Variants in TMEM117 observed in about 807,000 individuals in gnomAD.
TMEM117 encodes the protein transmembrane protein 117.
A neutral mutation model predicts 52.4 loss-of-function variants in TMEM117; 27 were observed. The ratio of observed to expected loss-of-function variants is 0.51; its 90% confidence interval spans 0.38 to 0.71. TMEM117 has a LOEUF of 0.71. TMEM117 is among the 30% of genes least tolerant of loss of function. The probability of loss-of-function intolerance (pLI) is 0.00; values close to 1 mark genes in which losing one functional copy is unlikely to be tolerated. For synonymous variants in TMEM117, 215 were observed against 206.3 expected, an observed-to-expected ratio of 1.04 and a Z score of -0.36; for missense variants, 556 against 630.5, an observed-to-expected ratio of 0.88 and a Z score of 1.26.
intron 5 of TMEM117, among the ~76,000 whole-genome samples, chr12:44,249,165 T>C (rs1198227068): frequency 6.6e-6 from 1 of 152,044 alleles, no homozygotes; most frequent in Non-Finnish European, 1.5e-5. Flanking sequence ...AGATATTTAA[T>C]GTAGGGAAAG....
chr12:44,076,961 A>G (rs1207216896), intron 3 of TMEM117, among the ~76,000 whole-genome samples: 1 of 152,208 alleles, frequency 6.6e-6, no homozygotes, highest in East Asian at 1.9e-4. Context: ...CCCAGTCTGC[A>G]GAGCCTGCCA....
intron 4 of TMEM117, among the ~76,000 whole-genome samples, chr12:44,208,194 GT>G (rs1380207871): frequency 6.6e-6 from 1 of 152,028 alleles, no homozygotes; most frequent in Non-Finnish European, 1.5e-5. Context: ...CAAAATGCAT[GT>G]TTTTGCTCAG....
chr12:44,387,963 GT>G, intron 7 of TMEM117, 62 bp from the exon 8 acceptor site: 2 of 1,401,608 alleles, frequency 1.4e-6, no homozygotes, highest in South Asian at 2.7e-5. Context: ...TCATTTTATT[GT>G]AGAAAACCTT....
the TMEM117 span, among the ~76,000 whole-genome samples, chr12:43,818,822 G>C: frequency 6.6e-6 from 1 of 152,160 alleles, no homozygotes; most frequent in Non-Finnish European, 1.5e-5. Context: ...TTTTAATGGA[G>C]TCAGAAATAG....
intron 5 of TMEM117, among the ~76,000 whole-genome samples, chr12:44,243,433 C>T (rs1037010137): frequency 2.6e-5 from 4 of 151,688 alleles, no homozygotes; most frequent in Non-Finnish European, 5.9e-5. Context: ...AGATTAAATA[C>T]TAATTTTAAA....
rs1943024556 is a variant in TMEM117, at chr12:43,836,178, G to T, written c.-47G>T. On this transcript the variant is annotated 5_prime_UTR_variant, in exon 1 of 8. Transcript: ENST00000266534. ...CGAATCCCGTGTGCAGTCGCCCCGC[G>T]CCCCGCGCGACCCTTCGGGTGAGTA... 6.6e-6 allele frequency: 1 copy of T among 152,108 alleles called. No individual in the cohort carries two copies. Among genetic ancestry groups the T allele is most frequent in the African/African-American group, 2.4e-5 (1 of 41,434 alleles). 9.4% of individuals were successfully genotyped at this position (152,108 alleles called of 1,614,324 possible).
intron 3 of TMEM117, among the ~76,000 whole-genome samples, chr12:44,097,148 A>G (rs1326198662): frequency 6.6e-6 from 1 of 152,226 alleles, no homozygotes; most frequent in East Asian, 1.9e-4. Flanking sequence ...AGAAATGCAA[A>G]TCAAAACCAT....
chr12:44,114,404 C>T (rs1237456465), intron 3 of TMEM117, among the ~76,000 whole-genome samples: 1 of 152,090 alleles, frequency 6.6e-6, no homozygotes, highest in Admixed American at 6.5e-5. Context: ...GTGCTCACCT[C>T]TGCATTTAGG....
chr12:43,937,744 T>A lies in TMEM117; in HGVS notation c.278-6466T>A, dbSNP rs148090653. ...CATTTATTTGTATAGCCTTTTTTTTTAAAATCCACTGGACAAATAACTTAA... is the reference window on the plus strand; with the variant it reads ...CATTTATTTGTATAGCCTTTTTTTTAAAAATCCACTGGACAAATAACTTAA... On this transcript the variant is annotated intron_variant, in intron 2 of 7. Coordinates refer to ENST00000266534, the MANE Select transcript of TMEM117 (RefSeq NM_032256.3). Among the ~76,000 whole-genome samples the A allele has an allele frequency of 6.9e-3, 1,050 of 152,194 alleles. 12 individuals carry two copies. The highest frequency in any genetic ancestry group is 0.023 in the African/African-American group (972 of 41,496).
At chr12:44,126,418 C>G (rs976287240) in intron 3 of TMEM117, among the ~76,000 whole-genome samples, 1 of 152,184 alleles carries the variant, frequency 6.6e-6, no homozygotes, top group Admixed American at 6.5e-5. Context: ...TGGAATTTCT[C>G]TCCCTCCTTT....
intron 4 of TMEM117, among the ~76,000 whole-genome samples, chr12:44,203,380 CTTGTTT>C (rs1949523152): frequency 6.6e-6 from 1 of 152,184 alleles, no homozygotes; most frequent in South Asian, 2.1e-4. Context: ...CTCTATCAAT[CTTGTTT>C]ACTCTCTTGA....
chr12:43,931,664 C>A (rs1944873126), intron 2 of TMEM117, among the ~76,000 whole-genome samples: 1 of 152,170 alleles, frequency 6.6e-6, no homozygotes, highest in African/African-American at 2.4e-5. Context: ...CTATTTCTAT[C>A]AACTCTCACT....
intron 5 of TMEM117, among the ~76,000 whole-genome samples, chr12:44,231,884 C>T (rs1242449070): frequency 6.6e-6 from 1 of 151,612 alleles, no homozygotes; most frequent in Admixed American, 6.6e-5. Context: ...TCTTTTTACT[C>T]TTCTTATGGG....
intron 2 of TMEM117, among the ~76,000 whole-genome samples, chr12:43,912,848 G>C (rs1439862459): frequency 1.3e-5 from 2 of 151,792 alleles, no homozygotes; most frequent in African/African-American, 2.4e-5. Flanking sequence ...CACAGTTTAG[G>C]CATCTTCCTG....
intron 3 of TMEM117, among the ~76,000 whole-genome samples, chr12:43,996,523 G>T (rs1173988707): frequency 6.6e-6 from 1 of 151,932 alleles, no homozygotes; most frequent in Non-Finnish European, 1.5e-5. Context: ...GGCGCCTGTA[G>T]TCCCAGCTAC....
chr12:44,104,849 T>A (rs1280180521), intron 3 of TMEM117, among the ~76,000 whole-genome samples: 3 of 152,076 alleles, frequency 2.0e-5, no homozygotes, highest in Admixed American at 2.0e-4. Flanking sequence ...GATGTAATTC[T>A]TATCTTTACA....
chr12:44,084,789 C>T (rs181019239), intron 3 of TMEM117, among the ~76,000 whole-genome samples: 91 of 152,244 alleles, frequency 6.0e-4, no homozygotes, highest in Middle Eastern at 3.4e-3. Context: ...TATACTCTTA[C>T]GTTGTTGCTT....
chr12:44,231,118 C>G (rs560521188), intron 5 of TMEM117, among the ~76,000 whole-genome samples: 40 of 151,862 alleles, frequency 2.6e-4, no homozygotes, highest in Admixed American at 7.9e-4. Flanking sequence ...CCCCTTTCTT[C>G]CACTCCAAGG....
chr12:44,095,876 G>A (rs544637388), intron 3 of TMEM117, among the ~76,000 whole-genome samples: 1 of 152,192 alleles, frequency 6.6e-6, no homozygotes, highest in African/African-American at 2.4e-5. Context: ...GGGCAATTAG[G>A]CAGGAGAAGG....
Sources: allele counts gnomAD v4.1 joint callset (sites outside exome capture counted in the v4.1 genomes callset), GRCh38; gene constraint gnomAD v4.1.1; transcripts MANE v1.5; gene names NCBI Gene and HGNC (gene_info 2026-07-23, HGNC 2026-07-21).